LPAR3: variants seen among roughly 807,000 people sequenced by gnomAD.
LPAR3 encodes the protein LPA receptor 3.
Under a neutral mutation model 17.8 loss-of-function variants are expected in LPAR3, and 7 were observed. The observed-to-expected ratio is 0.39, with a 90% CI of 0.22 to 0.74. The LOEUF (loss-of-function observed/expected upper bound fraction) is 0.74. Among genes scored for constraint, LPAR3 ranks in the 30% least tolerant of loss-of-function variants. The pLI is 0.40. For synonymous variants in LPAR3, 179 were observed against 179.9 expected (o/e 0.99, Z 0.04); for missense variants, 391 against 453.4 (o/e 0.86, Z 1.25).
intron 1 of LPAR3, among the ~76,000 whole-genome samples, chr1:84,869,941 A>G (rs1660127349): frequency 6.6e-6 from 1 of 152,228 alleles, no homozygotes; most frequent in African/African-American, 2.4e-5. Flanking sequence ...AACCCTGACC[A>G]CACAAGGATG....
chr1:84,868,906 C>T (rs539719829), intron 1 of LPAR3, among the ~76,000 whole-genome samples: 1 of 152,214 alleles, frequency 6.6e-6, no homozygotes, highest in African/African-American at 2.4e-5. Flanking sequence ...TAAGACACCA[C>T]ATGGGAAAAT....
chr1:84,835,645 A>T (rs984946647), intron 2 of LPAR3, among the ~76,000 whole-genome samples: 25 of 152,152 alleles, frequency 1.6e-4, no homozygotes, highest in African/African-American at 5.8e-4. Flanking sequence ...GCAATTTTTA[A>T]AATATCTTCT....
intron 2 of LPAR3, among the ~76,000 whole-genome samples, chr1:84,860,431 C>T (rs537596509): frequency 9.1e-4 from 139 of 152,294 alleles, no homozygotes; most frequent in African/African-American, 3.3e-3. Context: ...TGGTAATGCA[C>T]AAGCTTTAAA....
rs746376473 is a variant in LPAR3 at position 84,814,147 on chromosome 1, G to A, written c.761C>T (p.Pro254Leu). ...GTCGAGGAGCAGAACCACCAGGCCC[G>A]GGGTCCAGCATACCACAAACGCCCC... Reference protein sequence around the residue: ...VLGAFVVCWTPGLVVLLLDGL... With the variant: ...VLGAFVVCWTLGLVVLLLDGL... Residue 254 changes from proline (P) to leucine (L), a missense_variant, in exon 3 of 3, where the codon CCG (proline) becomes CTG (leucine). Physicochemically the swap from Pro to Leu is moderately conservative, Grantham distance 98 (BLOSUM62 -3). Coordinates refer to ENST00000370611, the MANE Select transcript of LPAR3 (RefSeq NM_012152.3). 30 of 1,613,818 alleles carry A rather than the reference G, an allele frequency of 1.9e-5. No individual in the cohort carries two copies. Among genetic ancestry groups the A allele is most frequent in the African/African-American group, 2.7e-5 (2 of 74,914 alleles).
At chr1:84,845,457 A>G (rs1399826613) in intron 2 of LPAR3, among the ~76,000 whole-genome samples, 1 of 152,184 alleles carries the variant, frequency 6.6e-6, no homozygotes, top group Non-Finnish European at 1.5e-5. Context: ...CATCTCCCAC[A>G]CTACTCAGAG....
intron 2 of LPAR3, 32 bp from the exon 3 acceptor site, chr1:84,814,203 T>C (rs777953984): frequency 6.3e-7 from 1 of 1,577,392 alleles, no homozygotes; most frequent in Non-Finnish European, 8.7e-7. Flanking sequence ...CAACAGATGC[T>C]CAGACCTTAG....
At chr1:84,859,525 C>T (rs567641537) in intron 2 of LPAR3, among the ~76,000 whole-genome samples, 11 of 152,256 alleles carry the variant, frequency 7.2e-5, no homozygotes, top group South Asian at 6.2e-4. Flanking sequence ...ACGTTCTTGA[C>T]GATAACTCAT....
chr1:84,818,344 A>C (rs1278471541), intron 2 of LPAR3, among the ~76,000 whole-genome samples: 2 of 152,216 alleles, frequency 1.3e-5, no homozygotes, highest in African/African-American at 4.8e-5. Context: ...GTTGGGTCAC[A>C]AGATTAATTC....
At chr1:84,868,554 C>T (rs192606907) in intron 1 of LPAR3, among the ~76,000 whole-genome samples, 11 of 152,196 alleles carry the variant, frequency 7.2e-5, no homozygotes, top group African/African-American at 1.4e-4. Context: ...ACAAACAATC[C>T]GAGAATCACT....
chr1:84,850,102 G>A (rs1318478758), intron 2 of LPAR3, among the ~76,000 whole-genome samples: 4 of 152,194 alleles, frequency 2.6e-5, no homozygotes. Context: ...GAGCAGAGGA[G>A]ACAGGCGGAA....
chr1:84,832,165 C>A (rs1570866396), intron 2 of LPAR3, among the ~76,000 whole-genome samples: 1 of 152,136 alleles, frequency 6.6e-6, no homozygotes, highest in Admixed American at 6.6e-5. Context: ...TACTGCCGAT[C>A]CACCATGATC....
chr1:84,823,067 A>C (rs960106373), intron 2 of LPAR3, among the ~76,000 whole-genome samples: 5 of 152,210 alleles, frequency 3.3e-5, no homozygotes, highest in Non-Finnish European at 7.4e-5. Flanking sequence ...GATTTACTAA[A>C]ATAGAAAATT....
At chr1:84,847,055 C>A (rs1427934057) in intron 2 of LPAR3, among the ~76,000 whole-genome samples, 2 of 152,146 alleles carry the variant, frequency 1.3e-5, no homozygotes, top group African/African-American at 4.8e-5. Context: ...TTCTATTTCA[C>A]TGAGTTTCCT....
At chr1:84,863,101 G>A (rs1235581757) in intron 2 of LPAR3, among the ~76,000 whole-genome samples, 1 of 151,122 alleles carries the variant, frequency 6.6e-6, no homozygotes, top group East Asian at 1.9e-4. Context: ...CTTAAGACAG[G>A]CTCTTACTCT....
intron 1 of LPAR3, among the ~76,000 whole-genome samples, chr1:84,874,181 C>T (rs1446639496): frequency 1.3e-5 from 2 of 152,152 alleles, no homozygotes; most frequent in South Asian, 2.1e-4. Context: ...GAGAGGCAAG[C>T]GTACAATGGG....
At chr1:84,874,579 G>T (rs1367348826) in intron 1 of LPAR3, among the ~76,000 whole-genome samples, 1 of 152,184 alleles carries the variant, frequency 6.6e-6, no homozygotes, top group Non-Finnish European at 1.5e-5. Context: ...CTAAATAAAA[G>T]AGGTGACAGA....
intron 2 of LPAR3, among the ~76,000 whole-genome samples, chr1:84,842,747 C>T (rs942216896): frequency 2.0e-5 from 3 of 152,110 alleles, no homozygotes; most frequent in African/African-American, 4.8e-5. Context: ...ATAATCATAA[C>T]AGTCCTATGT....
rs1658867011 is a variant in LPAR3 at position 84,813,688 on chromosome 1, T to C, written c.*158A>G. The stretch of plus-strand genomic sequence containing the variant: ...CAGCAGGTCCTCTCTTTACTGCCCA[T>C]GCTTTTAAACTATGAAAAAAAATTT... On this transcript the variant is annotated 3_prime_UTR_variant, in exon 3 of 3. Transcript: ENST00000370611. The C allele has an allele frequency of 4.9e-6, 3 of 614,678 alleles. No homozygotes were observed. Among genetic ancestry groups the C allele is most frequent in the Middle Eastern group, 4.3e-4 (1 of 2,314 alleles). 38.1% of individuals were successfully genotyped at this position (614,678 alleles called of 1,614,324 possible).
At chr1:84,864,224 AC>A (rs1557603150) in intron 2 of LPAR3, among the ~76,000 whole-genome samples, 8 of 144,098 alleles carry the variant, frequency 5.6e-5, no homozygotes, top group African/African-American at 2.0e-4. Flanking sequence ...AAAAAAAAAA[AC>A]AAAAAACAAA....
Sources: gnomAD v4.1 joint callset for allele counts (sites outside exome capture counted in the v4.1 genomes callset) on GRCh38, gnomAD v4.1.1 for gene constraint, MANE v1.5 for transcripts, NCBI Gene and HGNC (gene_info 2026-07-23, HGNC 2026-07-21) for gene names.